Variants in TAF6 observed in about 807,000 individuals in gnomAD.
TAF6 encodes transcription initiation factor TFIID subunit 6.
TAF6 carries 50 observed loss-of-function variants against 73.5 expected under a neutral mutation model. The ratio of observed to expected loss-of-function variants is 0.68; its 90% CI spans 0.54 to 0.86. TAF6 has a LOEUF of 0.86. Ranked by LOEUF, TAF6 falls within the 40% of genes least tolerant of loss-of-function variation. The probability of loss-of-function intolerance (pLI) is 0.00; values close to 1 mark genes in which losing one functional copy is unlikely to be tolerated. For missense variants in TAF6, 768 were observed against 899.5 expected (o/e 0.85, Z 1.87); for synonymous variants, 424 against 376.7 (o/e 1.13, Z -1.45).
Position 100,119,346 on chromosome 7 carries a change from C to G in TAF6, c.-202G>C, listed in dbSNP as rs1797944814. On this transcript the variant is annotated 5_prime_UTR_variant, in exon 1 of 15. Transcript: ENST00000453269. ...CTGCTCACCCGGCGCTCGGCGCCAT[C>G]TTGGCCCCGCCCCCTCGTGGGAGCA... The G allele has an allele frequency of 4.8e-6, 5 of 1,040,656 alleles. No individual in the cohort carries two copies. The highest frequency in any genetic ancestry group is 5.7e-5 in the Admixed American group (1 of 17,466). The allele number at this position is 1,040,656 out of a possible 1,614,324, so 64.5% of individuals were successfully genotyped here.
chr7:100,124,575 A>G (rs569434978), upstream of TAF6: 2 of 1,612,996 alleles, frequency 1.2e-6, no homozygotes, highest in South Asian at 2.2e-5. Flanking sequence ...CACCATCAGG[A>G]GCAGCCCCTA....
intron 6 of TAF6, among the ~76,000 whole-genome samples, chr7:100,112,473 G>A (rs1452317946): frequency 6.6e-6 from 1 of 152,174 alleles, no homozygotes; most frequent in African/African-American, 2.4e-5. Context: ...AGCACTTTGG[G>A]AGGCCAAGGC....
At chr7:100,112,959 G>A (rs1365484256) in intron 5 of TAF6, 42 bp from the exon 6 acceptor site, 3 of 1,531,494 alleles carry the variant, frequency 2.0e-6, no homozygotes, top group Admixed American at 2.0e-5. Flanking sequence ...GATGAGCATA[G>A]TAGAAAAGTA....
rs1210157595 is a variant in TAF6, at chr7:100,113,765, AG to A, written c.247del (p.Leu83SerfsTer32). The A allele has an allele frequency of 6.2e-7, 1 of 1,613,488 alleles. No homozygotes were observed. Among genetic ancestry groups the A allele is most frequent in the East Asian group, 2.2e-5 (1 of 44,866 alleles). ...GAACTCCTGGGCGTGGAAGCCATAG[AG>A]TGGCTGTGGCAGGAGAGAGGGGCAT... ...YALKLKNVEP[L>X]YGFHAQEFIP... On this transcript the variant is annotated frameshift_variant, in exon 4 of 15. Coordinates refer to ENST00000453269, the MANE Select transcript of TAF6 (RefSeq NM_139315.3). LOFTEE classifies it high-confidence loss of function.
At chr7:100,123,678 G>A (rs1410358322), upstream of TAF6, among the ~76,000 whole-genome samples, 2 of 151,860 alleles carry the variant, frequency 1.3e-5, no homozygotes, top group Non-Finnish European at 2.9e-5. Flanking sequence ...CTGCCACCAC[G>A]CCCAGCTAAT....
chr7:100,122,562 A>G, upstream of TAF6: 1 of 1,610,344 alleles, frequency 6.2e-7, no homozygotes, highest in South Asian at 1.1e-5. Flanking sequence ...GCAAGGGCTC[A>G]CTGAGATATG....
chr7:100,119,725 T>C (rs746217181), upstream of TAF6: 94 of 1,613,888 alleles, frequency 5.8e-5, no homozygotes, highest in Admixed American at 1.5e-3. Flanking sequence ...GCGGTGATTG[T>C]TTGTAGACGG....
chr7:100,124,726 A>T (rs900950303), upstream of TAF6: 5 of 1,613,816 alleles, frequency 3.1e-6, no homozygotes, highest in African/African-American at 5.3e-5. Context: ...CCGATCTAGC[A>T]TGTCTACAGG....
the TAF6 span, chr7:100,127,159 G>T: frequency 1.9e-6 from 1 of 526,244 alleles, no homozygotes; most frequent in Non-Finnish European, 3.4e-6. The surrounding 1 kb of genome is among the most constrained non-coding windows in gnomAD (Gnocchi z 4.6). Flanking sequence ...GGAATGGGGC[G>T]GGGGCCGAGG....
chr7:100,108,340 A>C (rs202235697), intron 13 of TAF6, 27 bp downstream of exon 13: 3 of 1,581,568 alleles, frequency 1.9e-6, no homozygotes, highest in African/African-American at 1.3e-5. Context: ...GCTTCCTCCT[A>C]TTCCTCCTCC....
upstream of TAF6, chr7:100,121,117 T>TACATATA (rs1491228284): frequency 5.7e-5 from 2 of 35,156 alleles, no homozygotes; most frequent in Non-Finnish European, 9.9e-5. Flanking sequence ...TATATATATA[T>TACATATA]TTTTTTTTTT....
At chr7:100,108,232 T>C in intron 13 of TAF6, 109 bp from the exon 14 acceptor site, 3 of 1,454,124 alleles carry the variant, frequency 2.1e-6, no homozygotes, top group South Asian at 2.7e-5. Flanking sequence ...TCACTAGGGC[T>C]GGGGCATCCT....
chr7:100,110,742 C>T (rs1248897965), intron 10 of TAF6, among the ~76,000 whole-genome samples: 2 of 152,166 alleles, frequency 1.3e-5, no homozygotes, highest in Non-Finnish European at 1.5e-5. Context: ...ACCCAGGAGG[C>T]GGAGGTTGTG....
chr7:100,107,278 G>A lies in TAF6; in HGVS notation c.2002C>T (p.Pro668Ser), dbSNP rs753796652. The A allele has an allele frequency of 6.6e-6, 10 of 1,524,162 alleles. No homozygotes were observed. The highest frequency in any genetic ancestry group is 2.2e-5 in the Admixed American group (1 of 45,038). The allele number at this position is 1,524,162 out of a possible 1,614,324, so 94.4% of individuals were successfully genotyped here. The part of the protein sequence containing the change: ...PGTPKANGSQ[P>S]NSGSPQPAP ...GCAGGCTGAGGGGAGCCGGAGTTGG[G>A]CTGGGAGCCATTGGCTTTTGGAGTC... Residue 668 changes from proline (P) to serine (S), a missense_variant, in exon 15 of 15, where the codon CCC becomes TCC. Physicochemically the swap from Pro to Ser is moderately conservative, Grantham distance 74 (BLOSUM62 -1). This residue lies in a region of TAF6 where 350 missense variants were observed against 352.3 expected (regional missense o/e 0.99). Transcript: ENST00000453269.
rs777782288 is a variant in TAF6 at position 100,112,781 on chromosome 7, A to G, written c.574+17T>C. The G allele has an allele frequency of 6.2e-7, 1 of 1,603,144 alleles. No individual in the cohort carries two copies. Among genetic ancestry groups the G allele is most frequent in the Non-Finnish European group, 8.5e-7 (1 of 1,174,266 alleles). ...TTTGGGCAAGAGTCCAGAGAGGCCT[A>G]GCCTAGGAGGACTGACCTTTGCCGT... On this transcript the variant is annotated intron_variant, in intron 6 of 14. Transcript: ENST00000453269.
At chr7:100,118,830 C>T in intron 1 of TAF6, 1 of 984,942 alleles carries the variant, frequency 1.0e-6, no homozygotes, top group Non-Finnish European at 1.2e-6. Context: ...GATCTCCTCC[C>T]CGACTTTTAT....
In TAF6 at chr7:100,110,200, A is replaced by G. The variant is rs1314345158; in HGVS notation, c.1158T>C (p.Asp386=). ...SIAGLAELGH[D]VIKTLILPRL... is the part of the protein sequence containing the mutation. ...CATTTCTTCCTCCCAGAGGCCTAAC[A>G]TCGTGTCCCAGCTCAGCCAAGCCTG... The change falls in exon 11 of 15, where the codon GAT becomes GAC. Residue 386 remains aspartate (D), a splice_region_variant and synonymous_variant. Transcript: ENST00000453269. The G allele has an allele frequency of 3.7e-6, 6 of 1,613,962 alleles. No homozygotes were observed. Among genetic ancestry groups the G allele is most frequent in the Non-Finnish European group, 5.1e-6 (6 of 1,180,008 alleles).
At chr7:100,114,745 T>C (rs959351906) in intron 1 of TAF6, among the ~76,000 whole-genome samples, 1 of 149,602 alleles carries the variant, frequency 6.7e-6, no homozygotes, top group African/African-American at 2.4e-5. Context: ...CTGGGCCTAG[T>C]GGCTCATGCC....
chr7:100,126,153 T>A, the TAF6 span, among the ~76,000 whole-genome samples: 3 of 151,990 alleles, frequency 2.0e-5, no homozygotes, highest in East Asian at 5.8e-4. Context: ...GCCACTGCAC[T>A]CCAGCCTGGG....
Sources: allele counts gnomAD v4.1 joint callset (sites outside exome capture counted in the v4.1 genomes callset), GRCh38; gene constraint gnomAD v4.1.1; regional missense constraint gnomAD v4.1.1; non-coding constraint Gnocchi (gnomAD v3.1); transcripts MANE v1.5; gene names NCBI Gene and HGNC (gene_info 2026-07-23, HGNC 2026-07-21).